INTS12: variants seen among roughly 807,000 people sequenced by gnomAD.
INTS12 encodes PHD finger protein 22.
In INTS12, 13 loss-of-function variants were observed where a neutral mutation model predicts 41.6. The ratio of observed to expected loss-of-function variants is 0.31; its 90% CI spans 0.20 to 0.50. The LOEUF (loss-of-function observed/expected upper bound fraction) is 0.50, where lower values mean the gene tolerates loss of function less well. Among genes scored for constraint, INTS12 ranks in the 20% least tolerant of loss-of-function variants. The pLI is 0.98. For missense variants in INTS12, 432 were observed against 541.6 expected, an observed-to-expected ratio of 0.80 and a Z score of 2.01; for synonymous variants, 199 against 191.4, an observed-to-expected ratio of 1.04 and a Z score of -0.33.
intron 6 of INTS12, among the ~76,000 whole-genome samples, chr4:105,691,293 C>T (rs1731673874): frequency 6.6e-6 from 1 of 152,036 alleles, no homozygotes; most frequent in African/African-American, 2.4e-5. Context: ...ATGGCAATTT[C>T]TTGTTTTCTT....
chr4:105,700,554 A>G (rs934429017), intron 2 of INTS12, among the ~76,000 whole-genome samples: 1 of 150,192 alleles, frequency 6.7e-6, no homozygotes, highest in Non-Finnish European at 1.5e-5. Flanking sequence ...TTTTTTTCTA[A>G]ACTCACCTCT....
At chr4:105,684,002 G>T (rs1452337051) in intron 7 of INTS12, among the ~76,000 whole-genome samples, 1 of 152,108 alleles carries the variant, frequency 6.6e-6, no homozygotes, top group African/African-American at 2.4e-5. Context: ...CATGATTCCG[G>T]TTAAACTATC....
At chr4:105,708,419 C>T in intron 1 of INTS12, 1 of 985,462 alleles carries the variant, frequency 1.0e-6, no homozygotes, top group Non-Finnish European at 1.2e-6. Flanking sequence ...GAAATATGCT[C>T]GGTCCGCATG....
chr4:105,706,812 T>C (rs897946160), intron 1 of INTS12, among the ~76,000 whole-genome samples: 1 of 152,196 alleles, frequency 6.6e-6, no homozygotes, highest in Admixed American at 6.5e-5. Flanking sequence ...TTCACACTTG[T>C]CCTACTTTTC....
chr4:105,686,527 T>C (rs1333448515), intron 7 of INTS12, among the ~76,000 whole-genome samples, 165 bp downstream of exon 7: 1 of 152,214 alleles, frequency 6.6e-6, no homozygotes, highest in African/African-American at 2.4e-5. Flanking sequence ...TAATTAATGA[T>C]ATAAATGTTC....
intron 3 of INTS12, 28 bp from the exon 4 acceptor site, chr4:105,695,696 T>C (rs1350307684): frequency 4.5e-6 from 7 of 1,570,722 alleles, no homozygotes; most frequent in South Asian, 3.4e-5. Flanking sequence ...GTACCAGTAA[T>C]TAAATATTTA....
At chr4:105,700,706 AACACACACAC>A (rs767514862) in intron 2 of INTS12, among the ~76,000 whole-genome samples, 30 of 134,806 alleles carry the variant, frequency 2.2e-4, no homozygotes, top group Non-Finnish European at 3.8e-4. Flanking sequence ...ATCTACTTAA[AACACACACAC>A]ACACACACAC....
chr4:105,707,705 G>A (rs2149196899), intron 1 of INTS12, among the ~76,000 whole-genome samples: 1 of 152,296 alleles, frequency 6.6e-6, no homozygotes, highest in African/African-American at 2.4e-5. Context: ...CCACTGGTCT[G>A]TAAACTTGAT....
Position 105,692,033 on chromosome 4 carries a change from C to A in INTS12, c.600G>T (p.Ala200=). The change falls in exon 6 of 8, where the codon GCG becomes GCT. Residue 200 remains alanine, a synonymous_variant. Transcript: ENST00000340139. The stretch of plus-strand genomic sequence containing the variant: ...AATACCACACCAGGCGAGGGTCATT[C>A]GCTTCCTTGTCTGTCACCTGGGGTT... ...CHKPQVTDKE[A]NDPRLVWYCA... The A allele has an allele frequency of 1.9e-6, 3 of 1,609,360 alleles. No individual in the cohort carries two copies. Among genetic ancestry groups the A allele is most frequent in the Non-Finnish European group, 2.5e-6 (3 of 1,178,062 alleles).
At chr4:105,691,556 T>G (rs1430982456) in intron 6 of INTS12, among the ~76,000 whole-genome samples, 1 of 152,222 alleles carries the variant, frequency 6.6e-6, no homozygotes, top group Non-Finnish European at 1.5e-5. Context: ...ATATCGCCTC[T>G]GTACACATCT....
chr4:105,687,921 C>A (rs1373075928), intron 6 of INTS12, among the ~76,000 whole-genome samples: 1 of 152,056 alleles, frequency 6.6e-6, no homozygotes, highest in Non-Finnish European at 1.5e-5. Context: ...CCACTGCCCT[C>A]CAGCCTGGGC....
chr4:105,690,883 A>C (rs1731662142), intron 6 of INTS12, among the ~76,000 whole-genome samples: 1 of 152,194 alleles, frequency 6.6e-6, no homozygotes, highest in Admixed American at 6.5e-5. Flanking sequence ...GCTCATCTGT[A>C]ATAATTTCAC....
In INTS12 at chr4:105,686,731, T is replaced by C; in HGVS notation, c.765A>G (p.Gln255=). The C allele has an allele frequency of 1.2e-6, 2 of 1,613,672 alleles. No homozygotes were observed. Among genetic ancestry groups the C allele is most frequent in the East Asian group, 2.2e-5 (1 of 44,838 alleles). The change falls in exon 7 of 8, where the codon CAA becomes CAG. Residue 255 remains glutamine, a synonymous_variant. Transcript: ENST00000340139. ...TCTTAAACGCTAGAAAAGTTGTCTC[T>C]TGTTTCAGTTTAGTTTCTGGTTTCT... ...LVKKPETKLK[Q]ETTFLAFKRT...
intron 7 of INTS12, among the ~76,000 whole-genome samples, chr4:105,684,330 T>C (rs1225760542): frequency 6.6e-6 from 1 of 152,104 alleles, no homozygotes; most frequent in Non-Finnish European, 1.5e-5. Context: ...TTAAGAAGAT[T>C]CACAAAAGCA....
intron 2 of INTS12, among the ~76,000 whole-genome samples, chr4:105,701,016 A>C (rs1367093763): frequency 6.6e-6 from 1 of 152,124 alleles, no homozygotes; most frequent in Non-Finnish European, 1.5e-5. Flanking sequence ...ATATTGTATT[A>C]ATGCAGCACA....
At chr4:105,693,696 T>C (rs569891423) in intron 4 of INTS12, among the ~76,000 whole-genome samples, 43 of 152,268 alleles carry the variant, frequency 2.8e-4, no homozygotes, top group South Asian at 2.1e-4. Flanking sequence ...AAGATAGAAA[T>C]AAATAAATCA....
At chr4:105,692,191 G>C (rs1431377604) in intron 5 of INTS12, 56 bp from the exon 6 acceptor site, 1 of 1,509,608 alleles carries the variant, frequency 6.6e-7, no homozygotes, top group Non-Finnish European at 9.0e-7. Flanking sequence ...ATAATTTAAA[G>C]TTATTTCAGG....
chr4:105,699,162 T>A (rs887714230), intron 3 of INTS12, among the ~76,000 whole-genome samples: 3 of 152,200 alleles, frequency 2.0e-5, no homozygotes, highest in African/African-American at 7.2e-5. Context: ...CTCAGTTTCC[T>A]TATGTAAAAT....
Position 105,693,417 on chromosome 4 carries a change from AC to A in INTS12, c.378del (p.Gln126HisfsTer43), listed in dbSNP as rs1731755812. On this transcript the variant is annotated frameshift_variant, in exon 5 of 8. Transcript: ENST00000340139. LOFTEE classifies it high-confidence loss of function. ...KKPRLEKPET[Q>X]SSPITVQSSK... ...CTACTTTGGACAGTAATGGGAGATG[AC>A]TGTGTTTCTGGTTTCTCCAATCTAG... 6.2e-7 allele frequency: 1 copy of A among 1,613,838 alleles called. No individual in the cohort carries two copies.
Sources: allele counts gnomAD v4.1 joint callset (sites outside exome capture counted in the v4.1 genomes callset), GRCh38; gene constraint gnomAD v4.1.1; transcripts MANE v1.5; gene names NCBI Gene and HGNC (gene_info 2026-07-23, HGNC 2026-07-21).